The following ZNF160 variants were observed in gnomAD, a reference collection of about 807,000 sequenced individuals.
ZNF160 encodes the protein KRAB zinc finger protein KR18.
ZNF160 carries 9 observed loss-of-function variants against 13.1 expected under a neutral mutation model. That is an observed-to-expected ratio of 0.69 (90% CI 0.41 to 1.20). The LOEUF (loss-of-function observed/expected upper bound fraction) is 1.20, where lower values mean the gene tolerates loss of function less well. ZNF160 is among the 50% of genes most tolerant of loss of function. The pLI, the probability that ZNF160 is intolerant of heterozygous loss-of-function variation, is 0.01. For missense variants in ZNF160, 838 were observed against 988.0 expected (o/e 0.85, Z 2.04); for synonymous variants, 293 against 333.2 (o/e 0.88, Z 1.31).
At chr19:53,100,470 C>T (rs1308707576) in intron 1 of ZNF160, among the ~76,000 whole-genome samples, 3 of 151,942 alleles carry the variant, frequency 2.0e-5, no homozygotes, top group Non-Finnish European at 4.4e-5. Context: ...ATTTGCCGGG[C>T]GTGGTGGCGG....
intron 2 of ZNF160, among the ~76,000 whole-genome samples, chr19:53,087,675 T>C (rs28691095): frequency 0.09 from 13,676 of 151,916 alleles, 928 homozygotes; most frequent in African/African-American, 0.19. Flanking sequence ...CTCAGCCTCC[T>C]GAGTAGCTGG....
At position 53,067,962 on chromosome 19, in the gene ZNF160, T is replaced by C; in HGVS notation, c.*115A>G. ...TCTTGCTTATGGCCTCTCATATCTA[T>C]TAATGCTTCAACTCATGAGGGATTG... On this transcript the variant is annotated 3_prime_UTR_variant, in exon 6 of 6. Transcript: ENST00000683776. The C allele has an allele frequency of 7.1e-7, 1 of 1,411,580 alleles. No homozygotes were observed. The highest frequency in any genetic ancestry group is 9.6e-7 in the Non-Finnish European group (1 of 1,044,086). 87.4% of individuals were successfully genotyped at this position (1,411,580 alleles called of 1,614,324 possible).
intron 5 of ZNF160, chr19:53,073,334 A>G: frequency 1.3e-6 from 2 of 1,597,464 alleles, no homozygotes; most frequent in Non-Finnish European, 1.7e-6. Context: ...GCTGAGAACA[A>G]TCTTAGAAGA....
Position 53,075,087 on chromosome 19 carries a change from A to G in ZNF160, c.112T>C (p.Leu38=), listed in dbSNP as rs748843810. ...AQRILYRDVM[L]ENYWNLVSLG... Reference sequence around the variant, plus strand: ...GAAACAAGGTTCCAGTAGTTCTCCAACATCACGTCCCTGTATAAGATCCTC... The same window carrying G: ...GAAACAAGGTTCCAGTAGTTCTCCAGCATCACGTCCCTGTATAAGATCCTC... The change falls in exon 4 of 6, where the codon TTG becomes CTG. Residue 38 remains leucine, a synonymous_variant. Transcript: ENST00000683776. The G allele has an allele frequency of 3.1e-6, 5 of 1,614,200 alleles. No individual in the cohort carries two copies. The highest frequency in any genetic ancestry group is 2.2e-5 in the East Asian group (1 of 44,882).
rs1184963886 is a variant in ZNF160 at position 53,068,306 on chromosome 19, G to A, written c.2228C>T (p.Thr743Ile). The change falls in exon 6 of 6, where the codon ACT becomes ATT. Residue 743 changes from threonine to isoleucine, a missense_variant. Physicochemically the swap from Thr to Ile is moderately conservative, Grantham distance 89 (BLOSUM62 -1). This residue lies in a region of ZNF160 where 400 missense variants were observed against 538.9 expected (regional missense o/e 0.74). Coordinates refer to ENST00000683776, the MANE Select transcript of ZNF160 (RefSeq NM_001322131.2). ...GTGATTTGCCAGGTGAGCATTTTGA[G>A]TAAAGACCTTGCCACATTCATTACA... ...YKCNECGKVF[T>I]QNAHLANHRR... 1 of 1,613,920 alleles carries A rather than the reference G, an allele frequency of 6.2e-7. No homozygotes were observed. Among genetic ancestry groups the A allele is most frequent in the Admixed American group, 1.7e-5 (1 of 60,000 alleles).
rs1055162544 is a variant in ZNF160, at chr19:53,066,707, G to T, written c.*1370C>A. The T allele has an allele frequency of 3.9e-5, 6 of 152,154 alleles. No homozygotes were observed. The highest frequency in any genetic ancestry group is 1.4e-4 in the African/African-American group (6 of 41,436). 9.4% of individuals were successfully genotyped at this position (152,154 alleles called of 1,614,324 possible). A position where few individuals can be genotyped will look rare whatever the true frequency, so the allele number is the denominator to read the frequency against. Reference sequence around the variant, plus strand: ...GCAAAATGTGCTTCAAGCAGATAATGTGAGTTCTACTAAAGAATATGTTAC... The same window carrying T: ...GCAAAATGTGCTTCAAGCAGATAATTTGAGTTCTACTAAAGAATATGTTAC... On this transcript the variant is annotated 3_prime_UTR_variant, in exon 6 of 6. Transcript: ENST00000683776.
intron 2 of ZNF160, among the ~76,000 whole-genome samples, chr19:53,086,981 C>A (rs751066647): frequency 6.6e-6 from 1 of 152,178 alleles, no homozygotes; most frequent in African/African-American, 2.4e-5. Flanking sequence ...ACAGAACAGG[C>A]AACATGGACC....
intron 3 of ZNF160, among the ~76,000 whole-genome samples, chr19:53,081,522 C>T (rs955928549): frequency 6.6e-6 from 1 of 152,048 alleles, no homozygotes; most frequent in African/African-American, 2.4e-5. Flanking sequence ...ATGCTCAACA[C>T]CCCGATCATC....
Position 53,066,773 on chromosome 19 carries a change from C to G in ZNF160, c.*1304G>C, listed in dbSNP as rs1215537750. 1.3e-5 allele frequency: 2 copies of G among 152,164 alleles called. No individual in the cohort carries two copies. The highest frequency in any genetic ancestry group is 2.4e-5 in the African/African-American group (1 of 41,450). The allele number at this position is 152,164 out of a possible 1,614,324, so 9.4% of individuals were successfully genotyped here. A position where few individuals can be genotyped will look rare whatever the true frequency, so the allele number is the denominator to read the frequency against. On this transcript the variant is annotated 3_prime_UTR_variant, in exon 6 of 6. Coordinates refer to ENST00000683776, the MANE Select transcript of ZNF160 (RefSeq NM_001322131.2). ...TAAACTCTTCACTCTGACAACTACT[C>G]TCTCTTCAGTTTTTCTTTTTCTTCT...
At chr19:53,084,332 A>C (rs751581519) in intron 3 of ZNF160, among the ~76,000 whole-genome samples, 5 of 152,156 alleles carry the variant, frequency 3.3e-5, no homozygotes, top group Non-Finnish European at 7.4e-5. Flanking sequence ...TCTGCTCCAA[A>C]AGCAATGCAG....
chr19:53,082,514 A>G (rs968696930), intron 3 of ZNF160, among the ~76,000 whole-genome samples: 1 of 152,066 alleles, frequency 6.6e-6, no homozygotes, highest in African/African-American at 2.4e-5. Context: ...CATCTCTACA[A>G]AAAAATCAAG....
intron 2 of ZNF160, among the ~76,000 whole-genome samples, chr19:53,088,159 T>C (rs145948649): frequency 6.6e-6 from 1 of 152,120 alleles, no homozygotes; most frequent in African/African-American, 2.4e-5. Flanking sequence ...GAAGATTGAA[T>C]AGATTTGTAA....
At chr19:53,088,700 G>A (rs1474996368) in intron 2 of ZNF160, among the ~76,000 whole-genome samples, 1 of 152,044 alleles carries the variant, frequency 6.6e-6, no homozygotes, top group Non-Finnish European at 1.5e-5. Context: ...TGTTCAGAGA[G>A]GAAAAAAATT....
In ZNF160 at chr19:53,086,286, C is replaced by T; in HGVS notation, c.-10G>A. ...CCTGAGTAAGGGCCATCCCTGACTCCTTTTCTTTCCTCTTCCTCTTCTTCC... is the reference window on the plus strand; with the variant it reads ...CCTGAGTAAGGGCCATCCCTGACTCTTTTTCTTTCCTCTTCCTCTTCTTCC... On this transcript the variant is annotated 5_prime_UTR_variant, in exon 3 of 6. Coordinates refer to ENST00000683776, the MANE Select transcript of ZNF160 (RefSeq NM_001322131.2). The T allele has an allele frequency of 6.3e-7, 1 of 1,586,358 alleles. No homozygotes were observed. The highest frequency in any genetic ancestry group is 8.6e-7 in the Non-Finnish European group (1 of 1,168,106).
rs2145409828 is a variant in ZNF160 at position 53,067,215 on chromosome 19, T to C, written c.*862A>G. The C allele has an allele frequency of 6.6e-6, 1 of 152,326 alleles. No individual in the cohort carries two copies. Among genetic ancestry groups the C allele is most frequent in the East Asian group, 1.9e-4 (1 of 5,184 alleles). 9.4% of individuals were successfully genotyped at this position (152,326 alleles called of 1,614,324 possible). Reference sequence around the variant, plus strand: ...CACACAATCAGTGTCTAATTACCTATTACTCTCCTCCCACAAAAATCCCAA... The same window carrying C: ...CACACAATCAGTGTCTAATTACCTACTACTCTCCTCCCACAAAAATCCCAA... On this transcript the variant is annotated 3_prime_UTR_variant, in exon 6 of 6. Transcript: ENST00000683776.
rs1278117210 is a variant in ZNF160 at position 53,068,138 on chromosome 19, C to T, written c.2396G>A (p.Arg799Lys). The T allele has an allele frequency of 6.2e-7, 1 of 1,613,690 alleles. No homozygotes were observed. Among genetic ancestry groups the T allele is most frequent in the African/African-American group, 1.3e-5 (1 of 74,916 alleles). Reference protein sequence around the residue: ...YKCNECGKVFRQSSNLASHHR... With the variant: ...YKCNECGKVFKQSSNLASHHR... ...ATGACTTGCAAGATTTGAACTCTGCCTGAAGACCTTGCCACACTCATTACA... is the reference window on the plus strand; with the variant it reads ...ATGACTTGCAAGATTTGAACTCTGCTTGAAGACCTTGCCACACTCATTACA... Residue 799 changes from arginine to lysine, a missense_variant, in exon 6 of 6, where the codon AGG (arginine) becomes AAG (lysine). Arg to Lys is a conservative substitution (Grantham distance 26, BLOSUM62 2). Around this residue, in one of 3 missense-constraint regions of ZNF160, gnomAD observed 51 missense variants for 46.9 expected, o/e 1.09. Transcript: ENST00000683776.
At chr19:53,102,570 G>A (rs2085485434) in intron 1 of ZNF160, among the ~76,000 whole-genome samples, 2 of 152,124 alleles carry the variant, frequency 1.3e-5, no homozygotes, top group South Asian at 4.1e-4. Flanking sequence ...TTTCTTGACT[G>A]CTTCTTTCAC....
chr19:53,101,055 G>A (rs1352109206), intron 1 of ZNF160, among the ~76,000 whole-genome samples: 1 of 152,020 alleles, frequency 6.6e-6, no homozygotes, highest in Non-Finnish European at 1.5e-5. Flanking sequence ...GAGACAGGTG[G>A]ATCACTTGAG....
intron 1 of ZNF160, among the ~76,000 whole-genome samples, chr19:53,092,251 T>A (rs941887725): frequency 6.6e-6 from 1 of 152,244 alleles, no homozygotes; most frequent in East Asian, 1.9e-4. Flanking sequence ...AGAAAACATT[T>A]ACATTTATAT....
Sources: gnomAD v4.1 joint callset for allele counts (sites outside exome capture counted in the v4.1 genomes callset) on GRCh38, gnomAD v4.1.1 for gene constraint, gnomAD v4.1.1 regional missense constraint, MANE v1.5 for transcripts, NCBI Gene and HGNC (gene_info 2026-07-23, HGNC 2026-07-21) for gene names.